The following KLHL6 variants were observed in gnomAD, a reference collection of about 807,000 sequenced individuals.
KLHL6 encodes kelch like family member 6, also known as kelch-like protein 6.
A neutral mutation model predicts 58.6 loss-of-function variants in KLHL6; 41 were observed. That is an observed-to-expected ratio of 0.70 (90% CI 0.55 to 0.91). KLHL6 has a LOEUF of 0.91. Ranked by LOEUF, KLHL6 falls within the 40% of genes least tolerant of loss-of-function variation. The pLI is 0.00. For missense variants in KLHL6, 714 were observed against 805.6 expected, an observed-to-expected ratio of 0.89 and a Z score of 1.38; for synonymous variants, 338 against 322.7, an observed-to-expected ratio of 1.05 and a Z score of -0.51.
intron 3 of KLHL6, 52 bp downstream of exon 3, chr3:183,508,007 G>C: frequency 6.6e-7 from 1 of 1,521,162 alleles, no homozygotes; most frequent in South Asian, 1.2e-5. Context: ...TGAGCCCCTA[G>C]CTAACTCCTT....
rs1308564848 is a variant in KLHL6 at position 183,499,995 on chromosome 3, G to C, written c.910-168C>G. Among the ~76,000 whole-genome samples, 1 of 152,186 alleles carries C rather than the reference G, an allele frequency of 6.6e-6. No individual in the cohort carries two copies. Among genetic ancestry groups the C allele is most frequent in the East Asian group, 1.9e-4 (1 of 5,196 alleles). On this transcript the variant is annotated intron_variant, in intron 3 of 6. Transcript: ENST00000341319. The surrounding 1 kb of genome is among the most constrained non-coding windows in gnomAD (Gnocchi z 4.6). ...TCATCTGTATAATCGGGATAGCAGA[G>C]GTAACTACCTCATAGGTGTGTTGTG... is the stretch of plus-strand genomic sequence containing the variant.
At chr3:183,495,350 A>T (rs1356033612) in intron 4 of KLHL6, among the ~76,000 whole-genome samples, 2 of 151,988 alleles carry the variant, frequency 1.3e-5, no homozygotes, top group Non-Finnish European at 2.9e-5. Flanking sequence ...ACGGAAAAAA[A>T]CTATGTCAGT....
At chr3:183,550,728 C>T (rs1337010388) in intron 1 of KLHL6, among the ~76,000 whole-genome samples, 2 of 152,046 alleles carry the variant, frequency 1.3e-5, no homozygotes, top group East Asian at 1.9e-4. Flanking sequence ...CCCAGGGAGG[C>T]TGCAGTGAGC....
chr3:183,516,142 G>T (rs895956031), intron 2 of KLHL6, among the ~76,000 whole-genome samples: 1 of 152,170 alleles, frequency 6.6e-6, no homozygotes, highest in Admixed American at 6.5e-5. Context: ...GCTTTATGAG[G>T]ACAGAGGCAG....
At chr3:183,493,885 T>G in intron 5 of KLHL6, 194 bp downstream of exon 5, 1 of 617,100 alleles carries the variant, frequency 1.6e-6, no homozygotes, top group South Asian at 1.9e-5. Context: ...GGAAGGACAT[T>G]GTTTCTGTGA....
intron 2 of KLHL6, among the ~76,000 whole-genome samples, chr3:183,515,739 T>A (rs1343526936): frequency 6.6e-6 from 1 of 152,176 alleles, no homozygotes; most frequent in Non-Finnish European, 1.5e-5. Context: ...TAAGGTCAGT[T>A]GAGACAAGCA....
rs574260192 is a variant in KLHL6 at position 183,510,054 on chromosome 3, T to C, written c.460-1546A>G. Among the ~76,000 whole-genome samples, 4 of 152,318 alleles carry C rather than the reference T, an allele frequency of 2.6e-5. No homozygotes were observed. In the East Asian group the frequency reaches 7.7e-4, roughly 29 times the overall value. ...TAAAAATTCAAGTCCCTTGTGCTTG[T>C]AGGGCACTTTACAGATGACAAAGCA... On this transcript the variant is annotated intron_variant, in intron 2 of 6. Transcript: ENST00000341319.
At chr3:183,524,187 A>G (rs571654684) in intron 2 of KLHL6, among the ~76,000 whole-genome samples, 12 of 152,266 alleles carry the variant, frequency 7.9e-5, no homozygotes, top group Middle Eastern at 3.4e-3. Flanking sequence ...CCTTACAGCC[A>G]TTGTCCCAGG....
rs569867551 is a variant in KLHL6, at chr3:183,508,524, G to A, written c.460-16C>T. On this transcript the variant is annotated splice_polypyrimidine_tract_variant and intron_variant, in intron 2 of 6. Transcript: ENST00000341319. ...TCCGCAGGAACTGATGAAATAGAAAGGGTGGAAAGGAGGCCAGAAAATGGT... is the reference window on the plus strand; with the variant it reads ...TCCGCAGGAACTGATGAAATAGAAAAGGTGGAAAGGAGGCCAGAAAATGGT... 1.2e-6 allele frequency: 2 copies of A among 1,603,162 alleles called. No homozygotes were observed. The highest frequency in any genetic ancestry group is 1.7e-6 in the Non-Finnish European group (2 of 1,174,394).
chr3:183,492,387 G>C lies in KLHL6; in HGVS notation c.1564+107C>G. ...CTGAAAGCCAGAGTGGGTCCTAGGGGCAGTGAGTTGCCAGCGCTGGAGACA... is the reference window on the plus strand; with the variant it reads ...CTGAAAGCCAGAGTGGGTCCTAGGGCCAGTGAGTTGCCAGCGCTGGAGACA... On this transcript the variant is annotated intron_variant, in intron 6 of 6. Transcript: ENST00000341319. This position sits in a 1 kb window ranked among gnomAD's most constrained non-coding sequence, Gnocchi z 5.9. 1 of 1,340,858 alleles carries C rather than the reference G, an allele frequency of 7.5e-7. No homozygotes were observed. Among genetic ancestry groups the C allele is most frequent in the Non-Finnish European group, 1.0e-6 (1 of 965,066 alleles). 83.1% of individuals were successfully genotyped at this position (1,340,858 alleles called of 1,614,324 possible).
intron 3 of KLHL6, among the ~76,000 whole-genome samples, chr3:183,506,083 G>A (rs1218879778): frequency 6.6e-6 from 1 of 152,176 alleles, no homozygotes; most frequent in Non-Finnish European, 1.5e-5. Flanking sequence ...TTTGGCTAAG[G>A]CTTCTACCAA....
chr3:183,492,208 A>C lies in KLHL6; in HGVS notation c.1585T>G (p.Tyr529Asp), dbSNP rs770057603. The part of the protein sequence containing the change: ...YVVGGAMRAL[Y>D]AYSPLEDSWC... ...CTGTCTTCCAGCGGGCTGTAGGCGT[A>C]CAGCGCTCTCATGGCCCCACCTGAG... is the stretch of plus-strand genomic sequence containing the variant. Residue 529 changes from tyrosine (Y) to aspartate (D), a missense_variant, in exon 7 of 7, where the codon TAC (tyrosine) becomes GAC (aspartate). By Grantham distance (160) the Tyr-to-Asp change is radical. Transcript: ENST00000341319. This position sits in a 1 kb window ranked among gnomAD's most constrained non-coding sequence, Gnocchi z 5.9. The C allele has an allele frequency of 6.2e-7, 1 of 1,607,556 alleles. No individual in the cohort carries two copies. The highest frequency in any genetic ancestry group is 1.7e-5 in the Admixed American group (1 of 59,686).
chr3:183,544,594 G>C (rs1690951963), intron 1 of KLHL6: 2 of 152,248 alleles, frequency 1.3e-5, no homozygotes, highest in South Asian at 4.1e-4. Flanking sequence ...CTCTTTAGCG[G>C]ACTTTATTTT....
chr3:183,520,579 A>AG (rs1380563849), intron 2 of KLHL6: 6 of 151,852 alleles, frequency 4.0e-5, no homozygotes, highest in Non-Finnish European at 8.8e-5. Context: ...GCAGGACTAT[A>AG]GGGTAATGGT....
At chr3:183,530,045 A>G (rs942849507) in intron 1 of KLHL6, among the ~76,000 whole-genome samples, 3 of 152,114 alleles carry the variant, frequency 2.0e-5, no homozygotes, top group Admixed American at 6.6e-5. Context: ...TAGCACTCCA[A>G]TCTCGGACTT....
chr3:183,523,162 T>C (rs1711830008), intron 2 of KLHL6: 4 of 152,194 alleles, frequency 2.6e-5, no homozygotes, highest in Admixed American at 2.6e-4. Context: ...AGTGACACAC[T>C]CATTAGTGCA....
Position 183,488,570 on chromosome 3 carries a change from T to C in KLHL6, c.*3357A>G, listed in dbSNP as rs547664510. On this transcript the variant is annotated 3_prime_UTR_variant, in exon 7 of 7. Coordinates refer to ENST00000341319, the MANE Select transcript of KLHL6 (RefSeq NM_130446.4). ...CCCTGCCTCAGTCTCCAGTCTGCTG[T>C]GCCAGAACATCCTGCCATGTCCTGC... The C allele has an allele frequency of 2.6e-5, 4 of 152,710 alleles. No homozygotes were observed. In the South Asian group the frequency reaches 8.3e-4, roughly 32 times the overall value. 9.5% of individuals were successfully genotyped at this position (152,710 alleles called of 1,614,324 possible). A position where few individuals can be genotyped will look rare whatever the true frequency, so the allele number is the denominator to read the frequency against.
chr3:183,555,137 C>G (rs1713062916), intron 1 of KLHL6, among the ~76,000 whole-genome samples: 17 of 151,932 alleles, frequency 1.1e-4, no homozygotes, highest in Admixed American at 1.1e-3. Flanking sequence ...TGCACTCCAG[C>G]CTGGGCAACA....
intron 2 of KLHL6, among the ~76,000 whole-genome samples, chr3:183,511,359 T>A (rs1390436147): frequency 6.6e-6 from 1 of 152,260 alleles, no homozygotes; most frequent in Non-Finnish European, 1.5e-5. Flanking sequence ...GTTTTTCTCC[T>A]ATCTCAGAAC....
Sources: allele counts gnomAD v4.1 joint callset (sites outside exome capture counted in the v4.1 genomes callset), GRCh38; gene constraint gnomAD v4.1.1; non-coding constraint Gnocchi (gnomAD v3.1); transcripts MANE v1.5; gene names NCBI Gene and HGNC (gene_info 2026-07-23, HGNC 2026-07-21).